The following FSTL5 variants were observed in gnomAD, a reference collection of about 807,000 sequenced individuals.
FSTL5 encodes the protein follistatin like 5.
In FSTL5, 62 loss-of-function variants were observed where a neutral mutation model predicts 89.1. That is an observed-to-expected ratio of 0.70 (90% CI 0.57 to 0.86). FSTL5 has a LOEUF of 0.86. Ranked by LOEUF, FSTL5 falls within the 40% of genes least tolerant of loss-of-function variation. The probability of loss-of-function intolerance (pLI) is 0.00; values close to 1 mark genes in which losing one functional copy is unlikely to be tolerated. For missense variants in FSTL5, 1,057 were observed against 1,001.6 expected, an observed-to-expected ratio of 1.06 and a Z score of -0.75; for synonymous variants, 383 against 346.2, an observed-to-expected ratio of 1.11 and a Z score of -1.18.
At chr4:161,396,203 C>A (rs1167812454) in intron 15 of FSTL5, among the ~76,000 whole-genome samples, 1 of 151,550 alleles carries the variant, frequency 6.6e-6, no homozygotes, top group Non-Finnish European at 1.5e-5. Flanking sequence ...CCAAAAGTGA[C>A]CGAAGTTACA....
At chr4:162,003,602 G>A (rs1193544597) in intron 3 of FSTL5, among the ~76,000 whole-genome samples, 1 of 152,088 alleles carries the variant, frequency 6.6e-6, no homozygotes, top group Non-Finnish European at 1.5e-5. Flanking sequence ...TACTCACAAC[G>A]AATGACATGA....
Position 161,820,576 on chromosome 4 carries a change from G to A in FSTL5, c.410-44502C>T, listed in dbSNP as rs544590320. Among the ~76,000 whole-genome samples the A allele has an allele frequency of 6.6e-5, 10 of 152,246 alleles. No individual in the cohort carries two copies. The South Asian group carries it at 1.9e-3, about 28-fold the overall frequency. On this transcript the variant is annotated intron_variant, in intron 4 of 15. Coordinates refer to ENST00000306100, the MANE Select transcript of FSTL5 (RefSeq NM_020116.5). ...TATAGTAGGGTACGGTCAAATCACA[G>A]ATATTTAGCACATGGAAAATTAGCA...
intron 3 of FSTL5, among the ~76,000 whole-genome samples, chr4:162,030,854 G>T (rs1334813936): frequency 6.6e-6 from 1 of 152,104 alleles, no homozygotes; most frequent in Non-Finnish European, 1.5e-5. Flanking sequence ...AGTGAATAAA[G>T]AAATCATAAA....
intron 4 of FSTL5, among the ~76,000 whole-genome samples, chr4:161,776,977 T>C (rs962940448): frequency 4.0e-5 from 6 of 151,894 alleles, no homozygotes; most frequent in Admixed American, 1.3e-4. Context: ...TCCTTCTAAC[T>C]GTATTTTGTA....
chr4:162,024,618 TTG>T (rs991160894), intron 3 of FSTL5, among the ~76,000 whole-genome samples: 3 of 152,112 alleles, frequency 2.0e-5, no homozygotes, highest in Non-Finnish European at 4.4e-5. Context: ...AGTTTGTTTC[TTG>T]TGTTTTTTTT....
intron 6 of FSTL5, among the ~76,000 whole-genome samples, chr4:161,692,597 GA>G: frequency 6.6e-6 from 1 of 152,142 alleles, no homozygotes; most frequent in South Asian, 2.1e-4. Context: ...AAGACACACA[GA>G]AAAATCCCCT....
intron 13 of FSTL5, among the ~76,000 whole-genome samples, chr4:161,465,358 A>G (rs1447507417): frequency 6.6e-6 from 1 of 152,146 alleles, no homozygotes; most frequent in Non-Finnish European, 1.5e-5. Context: ...AAGTAAATGC[A>G]TTATTCAGGA....
At chr4:161,538,021 T>G (rs1171420878) in intron 10 of FSTL5, 145 bp downstream of exon 10, 4 of 740,540 alleles carry the variant, frequency 5.4e-6, no homozygotes. Context: ...TATTTCAAGA[T>G]TTCTATCCTT....
chr4:161,667,485 G>T (rs1193624829), intron 6 of FSTL5, among the ~76,000 whole-genome samples: 1 of 152,034 alleles, frequency 6.6e-6, no homozygotes, highest in African/African-American at 2.4e-5. Context: ...TAAGTACATT[G>T]TAGGTAACAT....
intron 2 of FSTL5, among the ~76,000 whole-genome samples, chr4:162,040,543 G>T (rs1020892933): frequency 6.6e-6 from 1 of 151,766 alleles, no homozygotes; most frequent in Non-Finnish European, 1.5e-5. Flanking sequence ...AAAATAGAGG[G>T]GAGACAGTGG....
chr4:162,161,022 T>G (rs10434167), intron 1 of FSTL5, among the ~76,000 whole-genome samples: 6,371 of 152,040 alleles, frequency 0.042, 146 homozygotes, highest in Admixed American at 0.05. Context: ...TGAGAAACAA[T>G]TTAAAAAGAC....
chr4:161,841,143 G>A (rs141133953), intron 4 of FSTL5, among the ~76,000 whole-genome samples: 256 of 152,182 alleles, frequency 1.7e-3, no homozygotes, highest in Admixed American at 3.1e-3. Flanking sequence ...AGTAGGCTCT[G>A]TTCACACTTC....
chr4:162,051,012 C>T (rs1738361184), intron 2 of FSTL5, among the ~76,000 whole-genome samples: 1 of 151,242 alleles, frequency 6.6e-6, no homozygotes, highest in African/African-American at 2.4e-5. Context: ...CCATTTAAAC[C>T]TCTTCTATGG....
intron 7 of FSTL5, among the ~76,000 whole-genome samples, chr4:161,638,664 C>G (rs7440934): frequency 0.18 from 24,958 of 135,880 alleles, 2,683 homozygotes; most frequent in Non-Finnish European, 0.23. Flanking sequence ...CAGCATCATT[C>G]TGATACCAAA....
intron 4 of FSTL5, among the ~76,000 whole-genome samples, chr4:161,801,124 G>T (rs556493341): frequency 6.6e-6 from 1 of 151,562 alleles, no homozygotes; most frequent in South Asian, 2.1e-4. Flanking sequence ...ACAGCATTTT[G>T]CAATCTCAGT....
intron 15 of FSTL5, among the ~76,000 whole-genome samples, chr4:161,409,192 T>C (rs1349763583): frequency 6.6e-6 from 1 of 151,962 alleles, no homozygotes; most frequent in Non-Finnish European, 1.5e-5. Flanking sequence ...AGAGAGAACT[T>C]TATTGGGCTA....
intron 11 of FSTL5, among the ~76,000 whole-genome samples, chr4:161,507,402 G>A (rs1461843375): frequency 1.3e-5 from 2 of 151,576 alleles, no homozygotes; most frequent in African/African-American, 4.8e-5. Flanking sequence ...ATTAGTGCAT[G>A]TATATTTAAA....
At chr4:161,579,586 A>G (rs1222682350) in intron 8 of FSTL5, among the ~76,000 whole-genome samples, 1 of 151,984 alleles carries the variant, frequency 6.6e-6, no homozygotes, top group East Asian at 1.9e-4. Flanking sequence ...GCATGGTGGC[A>G]GGCACCTGTG....
At chr4:161,952,036 G>A (rs1384739604) in intron 3 of FSTL5, among the ~76,000 whole-genome samples, 1 of 151,934 alleles carries the variant, frequency 6.6e-6, no homozygotes, top group African/African-American at 2.4e-5. Flanking sequence ...GAAAATATAA[G>A]TATCTTGATA....
Sources: allele counts gnomAD v4.1 joint callset (sites outside exome capture counted in the v4.1 genomes callset), GRCh38; gene constraint gnomAD v4.1.1; transcripts MANE v1.5; gene names NCBI Gene and HGNC (gene_info 2026-07-23, HGNC 2026-07-21).